PCSK5: variants seen among roughly 807,000 people sequenced by gnomAD.
The protein encoded by PCSK5 is proprotein convertase subtilisin/kexin type 5.
A neutral mutation model predicts 233.2 loss-of-function variants in PCSK5; 129 were observed. That is an observed-to-expected ratio of 0.55 (90% confidence interval 0.48 to 0.64). The LOEUF is 0.64. Among genes scored for constraint, PCSK5 ranks in the 30% least tolerant of loss-of-function variants. The pLI is 0.00. For synonymous variants in PCSK5, 825 were observed against 879.2 expected (o/e 0.94, Z 1.09); for missense variants, 2,076 against 2,430.1 (o/e 0.85, Z 3.06).
At chr9:76,300,792 G>A (rs919339319) in intron 27 of PCSK5, among the ~76,000 whole-genome samples, 18 of 152,128 alleles carry the variant, frequency 1.2e-4, no homozygotes, top group Non-Finnish European at 2.6e-4. Flanking sequence ...TCTCTGTAAA[G>A]TGAAAACATG....
At chr9:75,960,227 G>T (rs998065751) in intron 2 of PCSK5, among the ~76,000 whole-genome samples, 4 of 152,198 alleles carry the variant, frequency 2.6e-5, no homozygotes, top group African/African-American at 4.8e-5. Context: ...GCCTACCTTT[G>T]TTAGATTATA....
At chr9:76,166,461 A>C (rs1033973877) in intron 12 of PCSK5, among the ~76,000 whole-genome samples, 1 of 152,212 alleles carries the variant, frequency 6.6e-6, no homozygotes, top group African/African-American at 2.4e-5. Flanking sequence ...AAAGGTGGAC[A>C]GGAAAGGGTG....
intron 35 of PCSK5, among the ~76,000 whole-genome samples, chr9:76,340,652 A>AC (rs201541072): frequency 3.5e-5 from 5 of 143,288 alleles, no homozygotes; most frequent in Admixed American, 6.8e-5. Flanking sequence ...AAAAAAAAAA[A>AC]AAAAAAACTT....
intron 10 of PCSK5, among the ~76,000 whole-genome samples, chr9:76,145,903 A>G (rs1212860609): frequency 1.3e-5 from 2 of 152,206 alleles, no homozygotes; most frequent in East Asian, 3.8e-4. Flanking sequence ...AATGCTGAAA[A>G]TTAATCCTTC....
chr9:75,958,790 C>CA (rs1825207537), intron 2 of PCSK5, among the ~76,000 whole-genome samples: 1 of 152,200 alleles, frequency 6.6e-6, no homozygotes. Flanking sequence ...AATAAGAACT[C>CA]AGAGTAGTGT....
intron 1 of PCSK5, among the ~76,000 whole-genome samples, chr9:75,918,052 A>G (rs1331090494): frequency 6.6e-6 from 1 of 152,198 alleles, no homozygotes; most frequent in Non-Finnish European, 1.5e-5. Context: ...TCTCATAGGT[A>G]ACTATACTTC....
intron 13 of PCSK5, among the ~76,000 whole-genome samples, chr9:76,170,359 C>A (rs11144773): frequency 6.6e-6 from 1 of 152,068 alleles, no homozygotes. Flanking sequence ...AAAAAGAAAC[C>A]CTTCTTGACA....
intron 10 of PCSK5, among the ~76,000 whole-genome samples, chr9:76,138,180 A>G (rs1348385277): frequency 6.6e-6 from 1 of 152,038 alleles, no homozygotes; most frequent in Non-Finnish European, 1.5e-5. Context: ...GACTAATCTG[A>G]CCTGCCCTGG....
At chr9:76,257,196 T>C (rs1223012166) in intron 24 of PCSK5, among the ~76,000 whole-genome samples, 2 of 152,168 alleles carry the variant, frequency 1.3e-5, no homozygotes, top group Non-Finnish European at 2.9e-5. Flanking sequence ...GTGCCTGTTA[T>C]TATCTGTCCT....
chr9:76,293,339 C>G (rs1049476203), intron 25 of PCSK5, among the ~76,000 whole-genome samples: 1 of 152,236 alleles, frequency 6.6e-6, no homozygotes, highest in African/African-American at 2.4e-5. Context: ...TTAACCTTAT[C>G]AGTTCTTAGC....
At chr9:76,083,231 GAAGT>G (rs1830924243) in intron 7 of PCSK5, among the ~76,000 whole-genome samples, 1 of 137,668 alleles carries the variant, frequency 7.3e-6, no homozygotes, top group Admixed American at 7.3e-5. Flanking sequence ...AAAAAAAGAA[GAAGT>G]ATTTCTTGAA....
At chr9:76,033,689 C>T (rs1828739866) in intron 5 of PCSK5, among the ~76,000 whole-genome samples, 1 of 152,082 alleles carries the variant, frequency 6.6e-6, no homozygotes, top group Non-Finnish European at 1.5e-5. Context: ...ATGTAATGCT[C>T]AGTTCTGGAA....
intron 2 of PCSK5, among the ~76,000 whole-genome samples, chr9:75,944,565 C>T (rs1254290499): frequency 3.3e-5 from 5 of 152,098 alleles, no homozygotes; most frequent in Non-Finnish European, 1.5e-5. Context: ...TTCTTGAGAG[C>T]ACTTTCCCAG....
At chr9:76,007,500 A>T (rs1339092261) in intron 3 of PCSK5, among the ~76,000 whole-genome samples, 1 of 152,166 alleles carries the variant, frequency 6.6e-6, no homozygotes, top group Non-Finnish European at 1.5e-5. Flanking sequence ...CCTAGTTCAA[A>T]AGAACAATAA....
intron 30 of PCSK5, among the ~76,000 whole-genome samples, chr9:76,319,244 C>T (rs1587321086): frequency 6.6e-6 from 1 of 152,186 alleles, no homozygotes; most frequent in East Asian, 1.9e-4. Context: ...GTGGGCGGAT[C>T]ACGAGGTCAA....
chr9:76,210,926 G>A (rs1825305898), intron 20 of PCSK5, among the ~76,000 whole-genome samples: 1 of 152,176 alleles, frequency 6.6e-6, no homozygotes, highest in Admixed American at 6.5e-5. Flanking sequence ...GATCGGGGAT[G>A]ACTCCCTGGC....
intron 30 of PCSK5, among the ~76,000 whole-genome samples, chr9:76,314,026 A>T (rs1048471637): frequency 5.3e-5 from 8 of 152,324 alleles, no homozygotes; most frequent in African/African-American, 1.9e-4. Flanking sequence ...ACTGGTTGTC[A>T]TTATTATTGC....
chr9:76,142,328 T>C (rs1334045772), intron 10 of PCSK5, among the ~76,000 whole-genome samples: 1 of 151,998 alleles, frequency 6.6e-6, no homozygotes, highest in African/African-American at 2.4e-5. Context: ...AAAATCTTTA[T>C]GTGGACAAAT....
In PCSK5 at chr9:76,275,917, G is replaced by T. The variant is rs541294171; in HGVS notation, c.3143-16316G>T. On this transcript the variant is annotated intron_variant, in intron 24 of 37. Coordinates refer to ENST00000674117, the MANE Select transcript of PCSK5 (RefSeq NM_001372043.1). ...CCAATTTGCAAATTCCTTGAGGTAG[G>T]GACTGCCTTTCTCATCTATACTCGT... Among the ~76,000 whole-genome samples the T allele has an allele frequency of 4.6e-5, 7 of 152,216 alleles. No individual in the cohort carries two copies. In the South Asian group the frequency reaches 1.5e-3, roughly 32 times the overall value.
Sources: allele counts gnomAD v4.1 joint callset (sites outside exome capture counted in the v4.1 genomes callset), GRCh38; gene constraint gnomAD v4.1.1; transcripts MANE v1.5; gene names NCBI Gene and HGNC (gene_info 2026-07-23, HGNC 2026-07-21).